The following KANK2 variants were observed in gnomAD, a reference collection of about 807,000 sequenced individuals.
KANK2 encodes KN motif and ankyrin repeat domains 2.
Under a neutral mutation model 74.6 loss-of-function variants are expected in KANK2, and 41 were observed. The observed-to-expected ratio is 0.55, with a 90% CI of 0.43 to 0.71. The LOEUF (loss-of-function observed/expected upper bound fraction) is 0.71, where lower values mean the gene tolerates loss of function less well. Ranked by LOEUF, KANK2 falls within the 30% of genes least tolerant of loss-of-function variation. The pLI, the probability that KANK2 is intolerant of heterozygous loss-of-function variation, is 0.00. For synonymous variants in KANK2, 537 were observed against 519.0 expected (o/e 1.03, Z -0.47); for missense variants, 1,148 against 1,196.4 (o/e 0.96, Z 0.60).
chr19:11,174,269 G>A (rs2147421954), intron 9 of KANK2, among the ~76,000 whole-genome samples: 1 of 152,316 alleles, frequency 6.6e-6, no homozygotes, highest in Admixed American at 6.5e-5. Context: ...AAACTGGAAG[G>A]CTGGTGTCCC....
At chr19:11,179,132 A>G (rs2078436965) in intron 4 of KANK2, among the ~76,000 whole-genome samples, 1 of 151,684 alleles carries the variant, frequency 6.6e-6, no homozygotes, top group South Asian at 2.1e-4. Flanking sequence ...CCTGGCTAAC[A>G]TGGTGAAATC....
intron 10 of KANK2, among the ~76,000 whole-genome samples, chr19:11,172,053 G>C (rs1260542809): frequency 6.8e-6 from 1 of 148,068 alleles, no homozygotes; most frequent in African/African-American, 2.5e-5. Flanking sequence ...TCAGCTCACT[G>C]CAACTTCCAC....
intron 4 of KANK2, among the ~76,000 whole-genome samples, chr19:11,187,839 G>A (rs2078720442): frequency 6.6e-6 from 1 of 152,132 alleles, no homozygotes; most frequent in Non-Finnish European, 1.5e-5. Flanking sequence ...TGCAATCCCA[G>A]CTATTTAGGA....
intron 4 of KANK2, among the ~76,000 whole-genome samples, chr19:11,189,105 C>A (rs1183671123): frequency 7.3e-6 from 1 of 136,848 alleles, no homozygotes; most frequent in African/African-American, 2.7e-5. Context: ...CTCTCCCCCC[C>A]CACCCCCGCC....
intron 4 of KANK2, among the ~76,000 whole-genome samples, chr19:11,182,984 G>A (rs1417624950): frequency 6.6e-6 from 1 of 152,068 alleles, no homozygotes; most frequent in Non-Finnish European, 1.5e-5. Flanking sequence ...GGTTAGACTT[G>A]GAATGCTAGC....
intron 4 of KANK2, among the ~76,000 whole-genome samples, chr19:11,191,579 C>T (rs1004587810): frequency 6.6e-6 from 1 of 152,208 alleles, no homozygotes; most frequent in South Asian, 2.1e-4. Flanking sequence ...GCACATGACC[C>T]AGGCCAGCCA....
rs200363050 is a variant in KANK2 at position 11,169,896 on chromosome 19, C to A, written c.2483G>T (p.Arg828Leu). The change falls in exon 12 of 13, where the codon CGC (arginine) becomes CTC (leucine). Residue 828 changes from arginine to leucine, a missense_variant. By Grantham distance (102) the Arg-to-Leu change is moderately radical. Transcript: ENST00000586659. ...QSEIASMLYSRMNIKCSFAPM... is the reference protein window; with the variant it reads ...QSEIASMLYSLMNIKCSFAPM... Reference sequence around the variant, plus strand: ...ACTCACCGAGCACTTGATGTTCATGCGGGAATACAGCATGGACGCAATCTC... The same window carrying A: ...ACTCACCGAGCACTTGATGTTCATGAGGGAATACAGCATGGACGCAATCTC... 47 of 1,613,908 alleles carry A rather than the reference C, an allele frequency of 2.9e-5. No individual in the cohort carries two copies. Among genetic ancestry groups the A allele is most frequent in the Non-Finnish European group, 3.6e-5 (42 of 1,179,948 alleles).
Position 11,185,511 on chromosome 19 carries a change from T to TA in KANK2, c.1250-6792dup, listed in dbSNP as rs886655749. ...TATATTTTTAAAATCATTCAACCAT[T>TA]AAAAAAAAACGTAAAAATCATTCTT... On this transcript the variant is annotated intron_variant, in intron 4 of 12. Coordinates refer to ENST00000586659, the MANE Select transcript of KANK2 (RefSeq NM_001136191.3). Among the ~76,000 whole-genome samples the TA allele has an allele frequency of 3.7e-4, 54 of 146,596 alleles. 2 individuals are homozygous for TA. The highest frequency in any genetic ancestry group is 3.5e-3 in the Middle Eastern group (1 of 288).
Position 11,176,708 on chromosome 19 carries a change from C to G in KANK2, c.1630G>C (p.Ala544Pro), listed in dbSNP as rs1361110781. The change falls in exon 7 of 13, where the codon GCC (alanine) becomes CCC (proline). Residue 544 changes from alanine (A) to proline (P), a missense_variant. Ala to Pro is a conservative substitution (Grantham distance 27). Transcript: ENST00000586659. ...GTCCCTGCAGGCCTGAGCTGGGGGG[C>G]TTCGGCCACACTCGGAACCCTCTCC... ...PRERVPSVAE[A>P]PQLRPAGTAA... 1 of 1,612,458 alleles carries G rather than the reference C, an allele frequency of 6.2e-7. No homozygotes were observed. The highest frequency in any genetic ancestry group is 1.7e-4 in the Middle Eastern group (1 of 6,054).
Position 11,174,533 on chromosome 19 carries a change from C to A in KANK2, c.2008G>T (p.Ala670Ser). Residue 670 changes from alanine (A) to serine (S), a missense_variant, in exon 9 of 13, where the codon GCC becomes TCC. Transcript: ENST00000586659. ...VNIADSNGNT[A>S]LHYSVSHANF... Reference sequence around the variant, plus strand: ...GCATGAGACACGGAGTAGTGCAGGGCTGTGTTGCCGTTGCTGTCGGCGATG... The same window carrying A: ...GCATGAGACACGGAGTAGTGCAGGGATGTGTTGCCGTTGCTGTCGGCGATG... 6.2e-7 allele frequency: 1 copy of A among 1,613,688 alleles called. No homozygotes were observed.
intron 4 of KANK2, among the ~76,000 whole-genome samples, chr19:11,190,605 C>T (rs1162765630): frequency 6.6e-6 from 1 of 152,162 alleles, no homozygotes; most frequent in East Asian, 1.9e-4. Context: ...AGGTGGAGAG[C>T]ATTATCATGC....
intron 4 of KANK2, among the ~76,000 whole-genome samples, chr19:11,187,076 TGA>T (rs1199598104): frequency 6.6e-6 from 1 of 151,814 alleles, no homozygotes; most frequent in African/African-American, 2.4e-5. Context: ...GCCAACGTGG[TGA>T]AACCCCGTCT....
In KANK2 at chr19:11,193,683, G is replaced by A. The variant is rs1297433477; in HGVS notation, c.397C>T (p.Arg133Cys). 1.9e-6 allele frequency: 3 copies of A among 1,607,984 alleles called. No individual in the cohort carries two copies. The highest frequency in any genetic ancestry group is 2.5e-6 in the Non-Finnish European group (3 of 1,176,740). ...RVERTLLDAR[R>C]RLEDQAATPT... The stretch of plus-strand genomic sequence containing the variant: ...GTGGCCGCCTGGTCCTCGAGACGGC[G>A]ACGGGCATCCAGCAGCGTGCGCTCC... The change falls in exon 4 of 13, where the codon CGC becomes TGC. Residue 133 changes from arginine to cysteine, a missense_variant. Transcript: ENST00000586659. This position sits in a 1 kb window ranked among gnomAD's most constrained non-coding sequence, Gnocchi z 9.6.
At position 11,193,075 on chromosome 19, in the gene KANK2, C is replaced by G. The variant is rs532341929; in HGVS notation, c.1005G>C (p.Gly335=). The G allele has an allele frequency of 6.1e-5, 98 of 1,610,080 alleles. No homozygotes were observed. In the South Asian group the frequency reaches 1.0e-3, roughly 17 times the overall value. ...VRVDTVRVVE[G]PREVEVVAST... ...TGGCCACCACCTCCACCTCCCGTGG[C>G]CCTTCTACCACCCGGACTGTATCCA... is the stretch of plus-strand genomic sequence containing the variant. The change falls in exon 4 of 13, where the codon GGG becomes GGC. Residue 335 remains glycine, a synonymous_variant. Transcript: ENST00000586659. The surrounding 1 kb of genome is among the most constrained non-coding windows in gnomAD (Gnocchi z 9.6).
chr19:11,193,358 G>T lies in KANK2; in HGVS notation c.722C>A (p.Ala241Glu), dbSNP rs201281642. 39 of 1,612,752 alleles carry T rather than the reference G, an allele frequency of 2.4e-5. 1 individual carries two copies. The South Asian group carries it at 4.3e-4, about 18-fold the overall frequency. Residue 241 changes from alanine (A) to glutamate (E), a missense_variant, in exon 4 of 13, where the codon GCG (alanine) becomes GAG (glutamate). Transcript: ENST00000586659. The surrounding 1 kb of genome is among the most constrained non-coding windows in gnomAD (Gnocchi z 9.6). Reference sequence around the variant, plus strand: ...GCAGAGCTCGCTGCGACCCCGGCCCGCTGTGGGGTGGCCCAGGAACTTCTG... The same window carrying T: ...GCAGAGCTCGCTGCGACCCCGGCCCTCTGTGGGGTGGCCCAGGAACTTCTG... Reference protein sequence around the residue: ...KSQKFLGHPTAGRGRSELCLD... With the variant: ...KSQKFLGHPTEGRGRSELCLD...
intron 3 of KANK2, among the ~76,000 whole-genome samples, 181 bp from the exon 4 acceptor site, chr19:11,194,223 C>A (rs555448400): frequency 6.6e-6 from 1 of 152,194 alleles, no homozygotes; most frequent in African/African-American, 2.4e-5. Context: ...AGACTCCCGG[C>A]GCTAGGCTAT....
intron 4 of KANK2, among the ~76,000 whole-genome samples, chr19:11,181,179 A>C (rs2078507768): frequency 6.6e-6 from 1 of 151,238 alleles, no homozygotes; most frequent in African/African-American, 2.4e-5. Flanking sequence ...GCCAGATGCA[A>C]AAGGGACAAA....
chr19:11,177,874 C>T (rs923016865), intron 6 of KANK2, among the ~76,000 whole-genome samples: 1 of 152,140 alleles, frequency 6.6e-6, no homozygotes, highest in South Asian at 2.1e-4. Context: ...GAAGAGCCCT[C>T]CCCACACCCT....
Position 11,193,880 on chromosome 19 carries a change from C to T in KANK2, c.200G>A (p.Arg67His), listed in dbSNP as rs757439875. Reference protein sequence around the residue: ...HTLRRVAVQRRPRLSSLPRGP... With the variant: ...HTLRRVAVQRHPRLSSLPRGP... ...ACGGGGCAGCGAGCTCAGGCGGGGG[C>T]GGCGCTGCACTGCCACGCGTCGCAG... Residue 67 changes from arginine (R) to histidine (H), a missense_variant, in exon 4 of 13, where the codon CGC (arginine) becomes CAC (histidine). Transcript: ENST00000586659. This position sits in a 1 kb window ranked among gnomAD's most constrained non-coding sequence, Gnocchi z 9.6. 2.5e-6 allele frequency: 4 copies of T among 1,613,406 alleles called. No homozygotes were observed. Among genetic ancestry groups the T allele is most frequent in the Non-Finnish European group, 2.5e-6 (3 of 1,179,860 alleles).
Sources: allele counts gnomAD v4.1 joint callset (sites outside exome capture counted in the v4.1 genomes callset), GRCh38; gene constraint gnomAD v4.1.1; non-coding constraint Gnocchi (gnomAD v3.1); transcripts MANE v1.5; gene names NCBI Gene and HGNC (gene_info 2026-07-23, HGNC 2026-07-21).